Variants in LINGO1 observed in about 807,000 individuals in gnomAD.
LINGO1 encodes leucine rich repeat and Ig domain containing 1.
Under a neutral mutation model 37.3 loss-of-function variants are expected in LINGO1, and 11 were observed. The observed-to-expected ratio is 0.29, with a 90% CI of 0.19 to 0.49. The LOEUF (loss-of-function observed/expected upper bound fraction) is 0.49, where lower values mean the gene tolerates loss of function less well. Ranked by LOEUF, LINGO1 falls within the 20% of genes least tolerant of loss-of-function variation. The pLI, the probability that LINGO1 is intolerant of heterozygous loss-of-function variation, is 0.99. For synonymous variants in LINGO1, 387 were observed against 403.0 expected, an observed-to-expected ratio of 0.96 and a Z score of 0.48; for missense variants, 585 against 878.2, an observed-to-expected ratio of 0.67 and a Z score of 4.22.
intron 1 of LINGO1, among the ~76,000 whole-genome samples, chr15:77,626,005 G>A (rs910426079): frequency 7.2e-5 from 11 of 152,172 alleles, no homozygotes; most frequent in Non-Finnish European, 1.6e-4. Context: ...CTTCACTGAT[G>A]AGGAAACTGA....
chr15:77,707,182 G>C (rs2075863166), intron 2 of LINGO1, among the ~76,000 whole-genome samples: 1 of 152,200 alleles, frequency 6.6e-6, no homozygotes, highest in Admixed American at 6.5e-5. Context: ...GATGCTCCAG[G>C]AGAGAGAGAG....
chr15:77,768,326 A>G (rs1381912181), intron 1 of LINGO1, among the ~76,000 whole-genome samples: 3 of 152,174 alleles, frequency 2.0e-5, no homozygotes, highest in African/African-American at 7.2e-5. Context: ...GCGCCTCCTG[A>G]AGGTGGGAGT....
At chr15:77,642,301 AC>A (rs1026623756) in intron 3 of LINGO1, among the ~76,000 whole-genome samples, 1 of 151,758 alleles carries the variant, frequency 6.6e-6, no homozygotes, top group Non-Finnish European at 1.5e-5. Flanking sequence ...TGCATGGGGG[AC>A]CCCCACCCCC....
chr15:77,700,002 C>A (rs1038403522), upstream of LINGO1, among the ~76,000 whole-genome samples: 2 of 152,214 alleles, frequency 1.3e-5, no homozygotes, highest in Admixed American at 1.3e-4. Context: ...AAGGAGTCAG[C>A]AGAGGCCAAA....
intron 2 of LINGO1, among the ~76,000 whole-genome samples, chr15:77,724,601 C>T (rs1435785329): frequency 6.6e-6 from 1 of 152,204 alleles, no homozygotes; most frequent in Non-Finnish European, 1.5e-5. Flanking sequence ...GGCTCAGTTT[C>T]CTCATCTGTG....
chr15:77,685,259 G>A (rs2075487414), intron 2 of LINGO1, among the ~76,000 whole-genome samples: 2 of 152,142 alleles, frequency 1.3e-5, no homozygotes, highest in Non-Finnish European at 2.9e-5. Context: ...CAGCTTGACC[G>A]AGGATCTGAG....
chr15:77,737,335 G>A (rs934788600), intron 1 of LINGO1, among the ~76,000 whole-genome samples: 73 of 152,156 alleles, frequency 4.8e-4, no homozygotes, highest in African/African-American at 1.6e-3. Flanking sequence ...CTGGCTCAGA[G>A]AGGTTATGCT....
intron 2 of LINGO1, among the ~76,000 whole-genome samples, chr15:77,686,196 T>C (rs1459911275): frequency 2.0e-5 from 3 of 152,144 alleles, no homozygotes; most frequent in Non-Finnish European, 1.5e-5. Flanking sequence ...TGATGTCCCC[T>C]GTCCCCCACC....
chr15:77,702,107 G>C (rs974923472), intron 2 of LINGO1, among the ~76,000 whole-genome samples: 2 of 152,158 alleles, frequency 1.3e-5, no homozygotes, highest in Non-Finnish European at 2.9e-5. Flanking sequence ...GGTGCTCCAA[G>C]GTGTTTAGTT....
At chr15:77,724,571 G>C (rs944427293) in intron 2 of LINGO1, among the ~76,000 whole-genome samples, 2 of 152,220 alleles carry the variant, frequency 1.3e-5, no homozygotes, top group African/African-American at 4.8e-5. Context: ...GCACTTTCTA[G>C]TTTCAACCTC....
intron 1 of LINGO1, among the ~76,000 whole-genome samples, chr15:77,814,693 G>C (rs1350135735): frequency 6.6e-6 from 1 of 152,226 alleles, no homozygotes; most frequent in Non-Finnish European, 1.5e-5. Flanking sequence ...AGCTCACCCA[G>C]CTTGAAGCAG....
At chr15:77,646,456 G>A (rs1415510308) in intron 3 of LINGO1, 1 of 455,846 alleles carries the variant, frequency 2.2e-6, no homozygotes. Flanking sequence ...AGGAGACACT[G>A]GTGTGACTCA....
chr15:77,686,612 C>G (rs2075515541), intron 2 of LINGO1, among the ~76,000 whole-genome samples: 1 of 152,212 alleles, frequency 6.6e-6, no homozygotes, highest in Admixed American at 6.5e-5. Context: ...CTTGGTTCAC[C>G]ATGAGCTGAG....
intron 1 of LINGO1, among the ~76,000 whole-genome samples, chr15:77,737,037 T>C (rs2076210765): frequency 6.6e-6 from 1 of 152,216 alleles, no homozygotes. Flanking sequence ...GCTTAGGTGT[T>C]TCCAATTTTT....
intron 1 of LINGO1, among the ~76,000 whole-genome samples, chr15:77,738,746 C>T (rs1047072516): frequency 2.1e-5 from 2 of 94,276 alleles, no homozygotes; most frequent in Non-Finnish European, 4.1e-5. Context: ...TACATATTTG[C>T]TGAAGGAAGG....
At position 77,624,058 on chromosome 15, in the gene LINGO1, C is replaced by T. The variant is rs561338935; in HGVS notation, c.7-8158G>A. 2.5e-3 allele frequency among the ~76,000 whole-genome samples: 336 copies of T among 132,194 alleles called. 2 individuals carry two copies. The highest frequency in any genetic ancestry group is 3.6e-3 in the Non-Finnish European group (225 of 63,128). 86.7% of individuals were successfully genotyped at this position (132,194 alleles called of 152,430 possible). On this transcript the variant is annotated intron_variant, in intron 1 of 1. Coordinates refer to ENST00000355300, the MANE Select transcript of LINGO1 (RefSeq NM_032808.7). Reference sequence around the variant, plus strand: ...TGTGAGTGTGGTGTGTGTGTGAGTGCGGTGTGTGAGTGTGGCCTCTGTGTG... The same window carrying T: ...TGTGAGTGTGGTGTGTGTGTGAGTGTGGTGTGTGAGTGTGGCCTCTGTGTG...
At chr15:77,664,175 G>GCA (rs2075075009) in intron 3 of LINGO1, among the ~76,000 whole-genome samples, 3 of 134,770 alleles carry the variant, frequency 2.2e-5, no homozygotes, top group Non-Finnish European at 4.4e-5. Context: ...GTGTGTGCGC[G>GCA]CGCGCATGCG....
chr15:77,664,739 C>T (rs547019684), intron 3 of LINGO1, among the ~76,000 whole-genome samples: 25 of 152,266 alleles, frequency 1.6e-4, no homozygotes, highest in African/African-American at 6.0e-4. Flanking sequence ...CCTCAGGACT[C>T]AGGGGGAGGG....
intron 3 of LINGO1, among the ~76,000 whole-genome samples, chr15:77,669,366 A>T (rs943900676): frequency 6.6e-6 from 1 of 152,218 alleles, no homozygotes; most frequent in Non-Finnish European, 1.5e-5. Context: ...CTCTTCAGCA[A>T]GAGCACAGAG....
Sources: allele counts gnomAD v4.1 joint callset (sites outside exome capture counted in the v4.1 genomes callset), GRCh38; gene constraint gnomAD v4.1.1; transcripts MANE v1.5; gene names NCBI Gene and HGNC (gene_info 2026-07-23, HGNC 2026-07-21).